SHANK2: variants seen among roughly 807,000 people sequenced by gnomAD.
SHANK2 encodes the protein SH3 and multiple ankyrin repeat domains protein 2.
SHANK2 carries 43 observed loss-of-function variants against 133.7 expected under a neutral mutation model. The observed-to-expected ratio is 0.32, with a 90% CI of 0.25 to 0.41. The LOEUF is 0.41. SHANK2 is among the 10% of genes least tolerant of loss of function. The pLI is 1.00. For missense variants in SHANK2, 1,994 were observed against 2,235.8 expected (o/e 0.89, Z 2.18); for synonymous variants, 1,017 against 952.8 (o/e 1.07, Z -1.24).
chr11:70,782,289 C>G (rs1178334155), intron 14 of SHANK2, among the ~76,000 whole-genome samples: 1 of 152,234 alleles, frequency 6.6e-6, no homozygotes, highest in African/African-American at 2.4e-5. Flanking sequence ...ATTCCTGACC[C>G]CAGGTGATCA....
At chr11:70,618,840 G>A (rs1735678282) in intron 17 of SHANK2, among the ~76,000 whole-genome samples, 1 of 152,224 alleles carries the variant, frequency 6.6e-6, no homozygotes, top group African/African-American at 2.4e-5. Flanking sequence ...ACCCAAGGCT[G>A]GCTCTCCAGG....
intron 11 of SHANK2, among the ~76,000 whole-genome samples, chr11:70,873,452 C>T (rs1949504502): frequency 2.0e-5 from 3 of 152,216 alleles, no homozygotes; most frequent in East Asian, 1.9e-4. Flanking sequence ...AACCTTCCAA[C>T]AGCAGTTCCG....
chr11:70,575,369 A>C, intron 17 of SHANK2, among the ~76,000 whole-genome samples: 1 of 152,094 alleles, frequency 6.6e-6, no homozygotes, highest in East Asian at 1.9e-4. Flanking sequence ...CACACAAAAA[A>C]TCAGCTGGGC....
intron 11 of SHANK2, among the ~76,000 whole-genome samples, chr11:70,884,778 T>C (rs1221286155): frequency 1.3e-5 from 2 of 152,204 alleles, no homozygotes; most frequent in African/African-American, 4.8e-5. Context: ...TGGAGTGCAA[T>C]GGCGCGATTT....
chr11:70,540,108 C>A (rs1490073498), intron 17 of SHANK2, among the ~76,000 whole-genome samples: 1 of 152,178 alleles, frequency 6.6e-6, no homozygotes, highest in Non-Finnish European at 1.5e-5. Flanking sequence ...CCAGTCACAT[C>A]GCAATGTCCC....
At chr11:70,769,217 T>C (rs2135033577) in intron 14 of SHANK2, among the ~76,000 whole-genome samples, 1 of 152,164 alleles carries the variant, frequency 6.6e-6, no homozygotes, top group East Asian at 1.9e-4. Context: ...GCGGAGCGAG[T>C]GCAGCCCATC....
intron 15 of SHANK2, among the ~76,000 whole-genome samples, chr11:70,675,759 T>G (rs1282998825): frequency 1.3e-5 from 2 of 152,084 alleles, no homozygotes; most frequent in African/African-American, 4.8e-5. Flanking sequence ...AATTTGAAAT[T>G]GGAAATGGTG....
At position 71,204,831 on chromosome 11, in the gene SHANK2, C is replaced by T. The variant is rs559996194; in HGVS notation, c.-13+19866G>A. ...GGGCAGGAGGCAGGGGTTCGGAGCA[C>T]TCCACCTTCCCAATGGCCCATCCAC... On this transcript the variant is annotated intron_variant, in intron 2 of 25. Transcript: ENST00000601538. Among the ~76,000 whole-genome samples the T allele has an allele frequency of 3.3e-5, 5 of 152,268 alleles. No individual in the cohort carries two copies. In the South Asian group the frequency reaches 1.0e-3, roughly 32 times the overall value.
chr11:70,609,446 C>CACCATGTG (rs1187282887), intron 17 of SHANK2, among the ~76,000 whole-genome samples: 3 of 152,142 alleles, frequency 2.0e-5, no homozygotes, highest in Non-Finnish European at 4.4e-5. Context: ...AACACCCAAC[C>CACCATGTG]ACCATGTGAC....
At chr11:70,683,535 T>C (rs1036944806) in intron 15 of SHANK2, among the ~76,000 whole-genome samples, 2 of 151,998 alleles carry the variant, frequency 1.3e-5, no homozygotes, top group African/African-American at 4.8e-5. Context: ...ACAAACCGGG[T>C]GGTTTAAACA....
chr11:71,098,642 G>A (rs1555096032), intron 6 of SHANK2, among the ~76,000 whole-genome samples: 1 of 152,154 alleles, frequency 6.6e-6, no homozygotes, highest in East Asian at 1.9e-4. Context: ...TAAGACTAAA[G>A]GCAAAAGGAA....
intron 3 of SHANK2, among the ~76,000 whole-genome samples, chr11:71,138,091 C>G (rs1370083388): frequency 1.4e-5 from 2 of 143,218 alleles, no homozygotes; most frequent in African/African-American, 5.0e-5. Flanking sequence ...CAGCAAAGCA[C>G]CCGAACACAG....
At chr11:71,135,796 A>T (rs1488570818) in intron 3 of SHANK2, among the ~76,000 whole-genome samples, 1 of 152,148 alleles carries the variant, frequency 6.6e-6, no homozygotes, top group African/African-American at 2.4e-5. Context: ...GGAAGAAGTC[A>T]CAGGAGGGCT....
intron 17 of SHANK2, among the ~76,000 whole-genome samples, chr11:70,586,720 C>T (rs1554986831): frequency 6.6e-6 from 1 of 152,158 alleles, no homozygotes; most frequent in Non-Finnish European, 1.5e-5. Flanking sequence ...GACCCTTATC[C>T]TAGGGGAATG....
rs370326889 is a variant in SHANK2, at chr11:70,720,683, G to A, written c.1778-21920C>T. Among the ~76,000 whole-genome samples, 20 of 152,356 alleles carry A rather than the reference G, an allele frequency of 1.3e-4. No individual in the cohort carries two copies. In the East Asian group the frequency reaches 2.7e-3, roughly 21 times the overall value. On this transcript the variant is annotated intron_variant, in intron 14 of 25. Coordinates refer to ENST00000601538, the MANE Select transcript of SHANK2 (RefSeq NM_012309.5). Reference sequence around the variant, plus strand: ...CCAGAAACATGCAGGAATGACAGGTGGGACTGATAGCTGTGTGTTCTTGCG... The same window carrying A: ...CCAGAAACATGCAGGAATGACAGGTAGGACTGATAGCTGTGTGTTCTTGCG...
intron 17 of SHANK2, among the ~76,000 whole-genome samples, chr11:70,636,602 A>AGT (rs1318304049): frequency 1.2e-5 from 1 of 85,720 alleles, no homozygotes; most frequent in Non-Finnish European, 2.5e-5. Flanking sequence ...TGAGTGTATG[A>AGT]GTGTGTGTAT....
intron 2 of SHANK2, among the ~76,000 whole-genome samples, chr11:71,217,851 G>GT (rs1268820669): frequency 1.2e-4 from 19 of 152,250 alleles, no homozygotes; most frequent in Non-Finnish European, 2.4e-4. Flanking sequence ...GAGTCAAGAG[G>GT]TTTTTTGTTT....
At chr11:70,951,502 T>C (rs1555086613) in intron 10 of SHANK2, among the ~76,000 whole-genome samples, 4 of 151,314 alleles carry the variant, frequency 2.6e-5, no homozygotes, top group Non-Finnish European at 5.9e-5. Flanking sequence ...ATAAATTCAT[T>C]TCCCCTGGCT....
In SHANK2 at chr11:70,622,020, C is replaced by T. The variant is rs138421411; in HGVS notation, c.2061+37808G>A. On this transcript the variant is annotated intron_variant, in intron 17 of 25. Transcript: ENST00000601538. Reference sequence around the variant, plus strand: ...CGGGAGGTTCTGGAGCTGAGCCCAGCGCCATGTGGAGGGGCCTGGCCCACC... The same window carrying T: ...CGGGAGGTTCTGGAGCTGAGCCCAGTGCCATGTGGAGGGGCCTGGCCCACC... 1.8e-3 allele frequency among the ~76,000 whole-genome samples: 281 copies of T among 152,274 alleles called. 2 individuals carry two copies. Among genetic ancestry groups the T allele is most frequent in the Admixed American group, 0.01 (156 of 15,294 alleles).
Sources: gnomAD v4.1 joint callset for allele counts (sites outside exome capture counted in the v4.1 genomes callset) on GRCh38, gnomAD v4.1.1 for gene constraint, MANE v1.5 for transcripts, NCBI Gene and HGNC (gene_info 2026-07-23, HGNC 2026-07-21) for gene names.